The following EIPR1 variants were observed in gnomAD, a reference collection of about 807,000 sequenced individuals.
EIPR1 encodes the protein EARP and GARP complex-interacting protein 1.
A neutral mutation model predicts 48.1 loss-of-function variants in EIPR1; 25 were observed. The ratio of observed to expected loss-of-function variants is 0.52; its 90% CI spans 0.38 to 0.73. The LOEUF (loss-of-function observed/expected upper bound fraction) is 0.73. Ranked by LOEUF, EIPR1 falls within the 30% of genes least tolerant of loss-of-function variation. The probability of loss-of-function intolerance (pLI) is 0.00; values close to 1 mark genes in which losing one functional copy is unlikely to be tolerated. For synonymous variants in EIPR1, 204 were observed against 201.9 expected (o/e 1.01, Z -0.09); for missense variants, 415 against 506.2 (o/e 0.82, Z 1.73).
At chr2:3,304,997 C>A (rs111341570) in intron 3 of EIPR1, among the ~76,000 whole-genome samples, 16 of 102,984 alleles carry the variant, frequency 1.6e-4, no homozygotes, top group South Asian at 9.8e-4. Flanking sequence ...CAACCCTCCA[C>A]TCCCGTCCAG....
At chr2:3,332,759 T>G (rs1669938355) in intron 3 of EIPR1, among the ~76,000 whole-genome samples, 1 of 152,222 alleles carries the variant, frequency 6.6e-6, no homozygotes, top group African/African-American at 2.4e-5. Flanking sequence ...TAGAAAACGT[T>G]CCATGAGTTT....
intron 3 of EIPR1, among the ~76,000 whole-genome samples, chr2:3,333,152 C>T (rs779403805): frequency 6.6e-6 from 1 of 152,136 alleles, no homozygotes; most frequent in Non-Finnish European, 1.5e-5. Flanking sequence ...GGGTTTCTCG[C>T]TTGCATTTTA....
chr2:3,274,378 C>G, intron 3 of EIPR1: 1 of 1,550,432 alleles, frequency 6.4e-7, no homozygotes. Flanking sequence ...GCTGACTTCC[C>G]AAGAGCACCA....
At chr2:3,326,260 C>T (rs981118451) in intron 3 of EIPR1, among the ~76,000 whole-genome samples, 4 of 152,190 alleles carry the variant, frequency 2.6e-5, no homozygotes, top group Non-Finnish European at 5.9e-5. Flanking sequence ...TATTTAACAG[C>T]GGTGTTAGTC....
At chr2:3,362,407 G>T (rs933236123) in intron 1 of EIPR1, among the ~76,000 whole-genome samples, 1 of 152,104 alleles carries the variant, frequency 6.6e-6, no homozygotes, top group Non-Finnish European at 1.5e-5. Context: ...TCCCCATTCG[G>T]TGCTTAAATT....
intron 3 of EIPR1, among the ~76,000 whole-genome samples, chr2:3,268,780 C>T (rs1003218813): frequency 3.3e-5 from 5 of 152,176 alleles, no homozygotes; most frequent in African/African-American, 4.8e-5. Context: ...CCCCTTGGCT[C>T]GGAGAGGCTT....
intron 3 of EIPR1, 70 bp downstream of exon 3, chr2:3,337,947 A>T: frequency 6.6e-7 from 1 of 1,520,534 alleles, no homozygotes; most frequent in Non-Finnish European, 8.8e-7. Flanking sequence ...CATTAGCAAT[A>T]CAAAACCCGT....
chr2:3,225,153 TC>T (rs1358603868), intron 4 of EIPR1, among the ~76,000 whole-genome samples: 5 of 151,980 alleles, frequency 3.3e-5, no homozygotes, highest in South Asian at 4.1e-4. Context: ...GTTGGCTTTT[TC>T]CCCCCCAGAT....
chr2:3,373,806 A>G (rs1659774466), intron 1 of EIPR1, among the ~76,000 whole-genome samples: 1 of 151,522 alleles, frequency 6.6e-6, no homozygotes, highest in Non-Finnish European at 1.5e-5. Flanking sequence ...ATACTGCCCA[A>G]GGTAATTTAT....
chr2:3,255,604 T>C (rs772423494), intron 4 of EIPR1, among the ~76,000 whole-genome samples: 5 of 152,182 alleles, frequency 3.3e-5, no homozygotes, highest in Non-Finnish European at 7.3e-5. Context: ...CTGCACAAGG[T>C]GGGAAGTTGA....
chr2:3,220,136 A>G (rs931862370), intron 4 of EIPR1, among the ~76,000 whole-genome samples: 19 of 152,236 alleles, frequency 1.2e-4, no homozygotes, highest in African/African-American at 4.6e-4. Flanking sequence ...ACCCTGGTCC[A>G]TGGAAAAATT....
chr2:3,201,998 G>A (rs6731883), intron 5 of EIPR1, among the ~76,000 whole-genome samples: 71,025 of 151,764 alleles, frequency 0.47, 17,252 homozygotes, highest in Middle Eastern at 0.62. Flanking sequence ...GTGCAGTGGC[G>A]CGATCTCGGC....
intron 8 of EIPR1, 27 bp downstream of exon 8, chr2:3,192,387 G>A (rs1363296926): frequency 1.3e-6 from 2 of 1,572,998 alleles, no homozygotes; most frequent in Non-Finnish European, 8.6e-7. Context: ...GGTACAGCGT[G>A]AGCCACTCTG....
chr2:3,318,568 A>G (rs2103320663), intron 3 of EIPR1, among the ~76,000 whole-genome samples: 1 of 152,330 alleles, frequency 6.6e-6, no homozygotes, highest in East Asian at 1.9e-4. Flanking sequence ...CGGCCTCGAA[A>G]AAATGGCCCA....
rs533360336 is a variant in EIPR1, at chr2:3,263,783, G to T, written c.260-6328C>A. On this transcript the variant is annotated intron_variant, in intron 3 of 8. Transcript: ENST00000382125. The stretch of plus-strand genomic sequence containing the variant: ...CTTGCCCCAGTAATAGCACACAGAG[G>T]CCTGGAACCCAGTATTTCCAGATGG... Among the ~76,000 whole-genome samples the T allele has an allele frequency of 1.8e-3, 268 of 152,310 alleles. 2 individuals carry two copies. Among genetic ancestry groups the T allele is most frequent in the African/African-American group, 6.0e-3 (251 of 41,570 alleles).
intron 1 of EIPR1, among the ~76,000 whole-genome samples, chr2:3,364,271 T>C (rs889160752): frequency 1.3e-5 from 2 of 152,052 alleles, no homozygotes; most frequent in Non-Finnish European, 2.9e-5. Flanking sequence ...TAAGTGCCCA[T>C]CAACAGATGA....
chr2:3,282,825 C>T (rs1668055926), intron 3 of EIPR1: 1 of 152,314 alleles, frequency 6.6e-6, no homozygotes, highest in Admixed American at 6.5e-5. Flanking sequence ...GCTCTTCCCA[C>T]TGACAAACGG....
At chr2:3,306,753 G>A (rs1007352263) in intron 3 of EIPR1, among the ~76,000 whole-genome samples, 2 of 152,130 alleles carry the variant, frequency 1.3e-5, no homozygotes, top group African/African-American at 4.8e-5. Flanking sequence ...AGACTGAGGA[G>A]GAGGAAGAGG....
intron 5 of EIPR1, among the ~76,000 whole-genome samples, chr2:3,204,464 G>A (rs1665157520): frequency 6.6e-6 from 1 of 152,214 alleles, no homozygotes; most frequent in South Asian, 2.1e-4. Context: ...TTGGTTTCCT[G>A]GGGACATGGA....
Sources: allele counts gnomAD v4.1 joint callset (sites outside exome capture counted in the v4.1 genomes callset), GRCh38; gene constraint gnomAD v4.1.1; transcripts MANE v1.5; gene names NCBI Gene and HGNC (gene_info 2026-07-23, HGNC 2026-07-21).